REEP3: variants seen among roughly 807,000 people sequenced by gnomAD.
REEP3 encodes receptor accessory protein 3.
A neutral mutation model predicts 41.3 loss-of-function variants in REEP3; 20 were observed. The ratio of observed to expected loss-of-function variants is 0.48; its 90% CI spans 0.34 to 0.70. The LOEUF (loss-of-function observed/expected upper bound fraction) is 0.70. REEP3 is among the 30% of genes least tolerant of loss of function. REEP3 has a pLI of 0.01. For missense variants in REEP3, 271 were observed against 308.8 expected (o/e 0.88, Z 0.92); for synonymous variants, 104 against 101.8 (o/e 1.02, Z -0.13).
In REEP3 at chr10:63,599,199, G is replaced by A. The variant is rs1237290495; in HGVS notation, c.333G>A (p.Lys111=). The A allele has an allele frequency of 5.7e-6, 9 of 1,588,664 alleles. No individual in the cohort carries two copies. The highest frequency in any genetic ancestry group is 6.8e-6 in the Non-Finnish European group (8 of 1,170,402). The change falls in exon 5 of 8, where the codon AAG becomes AAA. Residue 111 remains lysine, a synonymous_variant. Coordinates refer to ENST00000373758, the MANE Select transcript of REEP3 (RefSeq NM_001001330.3). ...TTGATGATTATATTGTACAAGCAAA[G>A]GAACGAGGCTATGAAACCATGGTAA... ...REIDDYIVQA[K]ERGYETMVNF...
At chr10:63,541,965 T>C (rs7897379) in intron 1 of REEP3, among the ~76,000 whole-genome samples, 65,715 of 152,080 alleles carry the variant, frequency 0.43, 14,837 homozygotes, top group South Asian at 0.54. Flanking sequence ...CTATGTCATA[T>C]TACTTCTAGT....
At chr10:63,543,584 T>A (rs1955550699) in intron 1 of REEP3, among the ~76,000 whole-genome samples, 1 of 152,216 alleles carries the variant, frequency 6.6e-6, no homozygotes, top group African/African-American at 2.4e-5. Context: ...ATTTTCATTT[T>A]CTAGTCTCAA....
intron 2 of REEP3, among the ~76,000 whole-genome samples, chr10:63,589,797 TTTTTTTTTTTTTTTG>T (rs935702798): frequency 7.3e-6 from 1 of 137,050 alleles, no homozygotes; most frequent in Non-Finnish European, 1.6e-5. Context: ...TTTTTTTTTT[TTTTTTTTTTTTTTTG>T]GAAACGGAGT....
chr10:63,568,153 G>T (rs1482844633), intron 2 of REEP3, among the ~76,000 whole-genome samples: 1 of 151,984 alleles, frequency 6.6e-6, no homozygotes, highest in Non-Finnish European at 1.5e-5. Context: ...TTGTTTTATA[G>T]TGCTGGCATA....
intron 1 of REEP3, among the ~76,000 whole-genome samples, chr10:63,563,815 A>G (rs544643708): frequency 6.6e-6 from 1 of 152,298 alleles, no homozygotes; most frequent in African/African-American, 2.4e-5. Context: ...TCCTTGATAT[A>G]ATGTGATAAG....
At chr10:63,548,954 G>T (rs1246504975) in intron 1 of REEP3, among the ~76,000 whole-genome samples, 3 of 151,102 alleles carry the variant, frequency 2.0e-5, no homozygotes, top group Non-Finnish European at 4.4e-5. Flanking sequence ...TCTCTTGTAA[G>T]AGTCAAAATA....
chr10:63,561,780 C>G (rs1487289252), intron 1 of REEP3, among the ~76,000 whole-genome samples: 1 of 151,966 alleles, frequency 6.6e-6, no homozygotes, highest in African/African-American at 2.4e-5. Flanking sequence ...GGGAGAACCA[C>G]CAGGAGTAGG....
chr10:63,624,699 T>C lies in REEP3; in HGVS notation c.*3830T>C, dbSNP rs1956383196. 1 of 152,134 alleles carries C rather than the reference T, an allele frequency of 6.6e-6. No individual in the cohort carries two copies. The highest frequency in any genetic ancestry group is 2.4e-5 in the African/African-American group (1 of 41,436). 9.4% of individuals were successfully genotyped at this position (152,134 alleles called of 1,614,324 possible). On this transcript the variant is annotated 3_prime_UTR_variant, in exon 8 of 8. Transcript: ENST00000373758. ...GGATTACAGATCACAGAGCAAATTA[T>C]GAAAATCATAAACATTCTGGTATGG... is the stretch of plus-strand genomic sequence containing the variant.
chr10:63,542,062 T>A (rs952433964), intron 1 of REEP3, among the ~76,000 whole-genome samples: 1 of 149,106 alleles, frequency 6.7e-6, no homozygotes, highest in African/African-American at 2.5e-5. Flanking sequence ...GTGACATCAC[T>A]ACTTCTTTTT....
intron 2 of REEP3, among the ~76,000 whole-genome samples, chr10:63,568,402 G>T (rs931846493): frequency 1.3e-5 from 2 of 151,812 alleles, no homozygotes; most frequent in Non-Finnish European, 2.9e-5. Context: ...AAGTAGCTGG[G>T]ACTACAGGCG....
In REEP3 at chr10:63,621,589, A is replaced by T. The variant is rs1394977512; in HGVS notation, c.*720A>T. 1 of 152,554 alleles carries T rather than the reference A, an allele frequency of 6.6e-6. No homozygotes were observed. Among genetic ancestry groups the T allele is most frequent in the Non-Finnish European group, 1.5e-5 (1 of 67,998 alleles). The allele number at this position is 152,554 out of a possible 1,614,324, so 9.5% of individuals were successfully genotyped here. ...CTTTTCCTGTGGGTTTCATTTGTTAAATTCATTGGATTTTAATAATATAAA... is the reference window on the plus strand; with the variant it reads ...CTTTTCCTGTGGGTTTCATTTGTTATATTCATTGGATTTTAATAATATAAA... On this transcript the variant is annotated 3_prime_UTR_variant, in exon 8 of 8. Coordinates refer to ENST00000373758, the MANE Select transcript of REEP3 (RefSeq NM_001001330.3).
intron 5 of REEP3, among the ~76,000 whole-genome samples, chr10:63,601,587 G>T (rs994327393): frequency 9.8e-5 from 15 of 152,300 alleles, no homozygotes; most frequent in Admixed American, 9.8e-4. Context: ...GACCTACAAA[G>T]CCAAGAGGAT....
intron 2 of REEP3, among the ~76,000 whole-genome samples, chr10:63,568,127 G>A (rs1785464075): frequency 1.3e-5 from 2 of 152,080 alleles, no homozygotes; most frequent in Non-Finnish European, 2.9e-5. Context: ...ATAAGTTGGA[G>A]TAAATACTTT....
At chr10:63,615,064 C>T (rs1278114395) in intron 6 of REEP3, among the ~76,000 whole-genome samples, 6 of 151,880 alleles carry the variant, frequency 4.0e-5, no homozygotes, top group Admixed American at 3.9e-4. Context: ...GATATGAAAA[C>T]ATATCCAGAT....
chr10:63,604,730 A>G (rs796429280), intron 5 of REEP3, among the ~76,000 whole-genome samples: 2 of 152,350 alleles, frequency 1.3e-5, no homozygotes, highest in African/African-American at 4.8e-5. Flanking sequence ...GGGAAGCAGA[A>G]TGGTATAACA....
chr10:63,561,160 C>T (rs1955736106), intron 1 of REEP3, among the ~76,000 whole-genome samples: 7 of 152,152 alleles, frequency 4.6e-5, no homozygotes, highest in Admixed American at 4.6e-4. Context: ...TGTATAGTAT[C>T]AACTAGCACC....
chr10:63,620,148 G>A (rs977564611), intron 7 of REEP3, among the ~76,000 whole-genome samples: 1 of 151,868 alleles, frequency 6.6e-6, no homozygotes, highest in African/African-American at 2.4e-5. Context: ...GCCCAGGCTG[G>A]TCTTGAACAC....
intron 2 of REEP3, among the ~76,000 whole-genome samples, chr10:63,587,718 G>T (rs1000590593): frequency 1.3e-5 from 2 of 152,142 alleles, no homozygotes; most frequent in African/African-American, 4.8e-5. Flanking sequence ...TAGGAAGGAA[G>T]AGCAAGTGGA....
chr10:63,534,689 CAG>C (rs1279790977), intron 1 of REEP3, among the ~76,000 whole-genome samples: 1 of 152,146 alleles, frequency 6.6e-6, no homozygotes, highest in African/African-American at 2.4e-5. Context: ...CAAAGTCTTA[CAG>C]TGCTTTAACT....
Sources: gnomAD v4.1 joint callset for allele counts (sites outside exome capture counted in the v4.1 genomes callset) on GRCh38, gnomAD v4.1.1 for gene constraint, MANE v1.5 for transcripts, NCBI Gene and HGNC (gene_info 2026-07-23, HGNC 2026-07-21) for gene names.